Variants in RAD21L1 observed in about 807,000 individuals in gnomAD.
The protein encoded by RAD21L1 is double-strand-break repair protein rad21-like protein 1.
RAD21L1 carries 47 observed loss-of-function variants against 69.0 expected under a neutral mutation model. That is an observed-to-expected ratio of 0.68 (90% CI 0.54 to 0.87). RAD21L1 has a LOEUF of 0.87. RAD21L1 is among the 40% of genes least tolerant of loss of function. The pLI is 0.00. For synonymous variants in RAD21L1, 177 were observed against 205.8 expected (o/e 0.86, Z 1.20); for missense variants, 583 against 647.6 (o/e 0.90, Z 1.08).
At chr20:1,227,961 CCT>C (rs1168359283) in intron 1 of RAD21L1, among the ~76,000 whole-genome samples, 3 of 152,102 alleles carry the variant, frequency 2.0e-5, no homozygotes, top group Admixed American at 2.0e-4. Context: ...AAATTCAACA[CCT>C]GCGTATAAAT....
intron 4 of RAD21L1, 84 bp from the exon 5 acceptor site, chr20:1,234,001 A>T: frequency 1.6e-6 from 1 of 640,706 alleles, no homozygotes; most frequent in Non-Finnish European, 2.7e-6. Context: ...AAGTTGTTTT[A>T]GTTTCTTCAC....
rs2087892142 is a variant in RAD21L1, at chr20:1,254,265, C to A, written c.1480-4C>A. 3 of 1,462,166 alleles carry A rather than the reference C, an allele frequency of 2.1e-6. No homozygotes were observed. Among genetic ancestry groups the A allele is most frequent in the Non-Finnish European group, 2.7e-6 (3 of 1,095,338 alleles). 90.6% of individuals were successfully genotyped at this position (1,462,166 alleles called of 1,614,324 possible). A position where few individuals can be genotyped will look rare whatever the true frequency, so the allele number is the denominator to read the frequency against. On this transcript the variant is annotated splice_region_variant and splice_polypyrimidine_tract_variant and intron_variant, in intron 13 of 13. Transcript: ENST00000683101. ...TCTTTTTTCTTTTCTAATTATTTTCCCAGGAATCTAACAAGATGGGAATGC... is the reference window on the plus strand; with the variant it reads ...TCTTTTTTCTTTTCTAATTATTTTCACAGGAATCTAACAAGATGGGAATGC...
At chr20:1,226,972 C>A (rs137929623) in intron 1 of RAD21L1, among the ~76,000 whole-genome samples, 37 of 152,288 alleles carry the variant, frequency 2.4e-4, no homozygotes, top group African/African-American at 8.7e-4. Flanking sequence ...TGCAGTAGGG[C>A]GATCGCGGCT....
chr20:1,233,388 G>C lies in RAD21L1; in HGVS notation c.369-697G>C, dbSNP rs558820042. ...TCCCAGTAGTTAGTCTGGGATATTA[G>C]GAACAGAAAAGGAGCAGGTAGGAAG... On this transcript the variant is annotated intron_variant, in intron 4 of 13. Transcript: ENST00000683101. Among the ~76,000 whole-genome samples, 4 of 152,252 alleles carry C rather than the reference G, an allele frequency of 2.6e-5. No individual in the cohort carries two copies. The South Asian group carries it at 6.2e-4, about 24-fold the overall frequency.
chr20:1,252,969 A>G (rs1424196810), intron 13 of RAD21L1, among the ~76,000 whole-genome samples: 1 of 152,176 alleles, frequency 6.6e-6, no homozygotes, highest in Non-Finnish European at 1.5e-5. Context: ...TTAATCTTGC[A>G]TATTTGTCCC....
chr20:1,254,423 T>C lies in RAD21L1; in HGVS notation c.1634T>C (p.Ile545Thr). ...LSQSAPYADI[I>T]ATMGPMFYNI ...CAGAGTGCTCCCTATGCAGATATTA[T>C]AGCTACGATGGGACCAATGTTTTAT... Residue 545 changes from isoleucine (I) to threonine (T), a missense_variant, in exon 14 of 14, where the codon ATA becomes ACA. Coordinates refer to ENST00000683101, the MANE Select transcript of RAD21L1 (RefSeq NM_001384355.1). 2 of 1,545,520 alleles carry C rather than the reference T, an allele frequency of 1.3e-6. No individual in the cohort carries two copies. Among genetic ancestry groups the C allele is most frequent in the Non-Finnish European group, 1.7e-6 (2 of 1,143,804 alleles).
chr20:1,241,620 G>A (rs993895533), intron 8 of RAD21L1, among the ~76,000 whole-genome samples: 1 of 152,098 alleles, frequency 6.6e-6, no homozygotes, highest in Non-Finnish European at 1.5e-5. Flanking sequence ...GTTTGGGGGA[G>A]GGGTATGGAA....
At chr20:1,238,245 A>AT in intron 6 of RAD21L1, 31 bp downstream of exon 6, 2 of 1,339,614 alleles carry the variant, frequency 1.5e-6, no homozygotes, top group Non-Finnish European at 2.0e-6. Context: ...GAAATAAAAT[A>AT]TTTATTTTCA....
At chr20:1,235,267 C>T (rs531462535) in intron 5 of RAD21L1, among the ~76,000 whole-genome samples, 33 of 152,046 alleles carry the variant, frequency 2.2e-4, no homozygotes, top group African/African-American at 6.0e-4. Context: ...CTATCTTGGT[C>T]GGGGAGGGGA....
chr20:1,250,799 C>T (rs996165067), intron 13 of RAD21L1, among the ~76,000 whole-genome samples: 1 of 152,036 alleles, frequency 6.6e-6, no homozygotes, highest in Non-Finnish European at 1.5e-5. Context: ...GACAAAAATA[C>T]CATTTTTATG....
At chr20:1,243,221 G>A in intron 10 of RAD21L1, 25 bp downstream of exon 10, 3 of 1,202,624 alleles carry the variant, frequency 2.5e-6, no homozygotes, top group Non-Finnish European at 3.5e-6. Flanking sequence ...TTCTGTTGAT[G>A]TTGAGGGGAA....
chr20:1,250,873 AGGT>A (rs2122163422), intron 13 of RAD21L1, among the ~76,000 whole-genome samples: 1 of 152,180 alleles, frequency 6.6e-6, no homozygotes, highest in East Asian at 1.9e-4. Context: ...TTTTCCTTAA[AGGT>A]ATCTCTCTGG....
At chr20:1,233,776 C>T (rs1328441747) in intron 4 of RAD21L1, among the ~76,000 whole-genome samples, 10 of 152,120 alleles carry the variant, frequency 6.6e-5, no homozygotes, top group East Asian at 1.9e-4. Context: ...AATACCATCA[C>T]ATTGGAGATT....
chr20:1,248,675 G>T lies in RAD21L1; in HGVS notation c.1451G>T (p.Arg484Ile), dbSNP rs1457293040. 6.5e-7 allele frequency: 1 copy of T among 1,532,502 alleles called. No individual in the cohort carries two copies. The highest frequency in any genetic ancestry group is 2.0e-5 in the Admixed American group (1 of 49,722). The allele number at this position is 1,532,502 out of a possible 1,614,324, so 94.9% of individuals were successfully genotyped here. The change falls in exon 13 of 14, where the codon AGA (arginine) becomes ATA (isoleucine). Residue 484 changes from arginine to isoleucine, a missense_variant. Transcript: ENST00000683101. ...ENIETERWNG[R>I]ILQMLNRLRE... is the part of the protein sequence containing the mutation. ...ATTGAGACAGAGAGATGGAATGGAA[G>T]AATACTTCAGATGTTAAATCGTTTA... is the stretch of plus-strand genomic sequence containing the variant.
intron 3 of RAD21L1, 142 bp from the exon 4 acceptor site, chr20:1,231,384 T>C: frequency 4.9e-6 from 3 of 613,556 alleles, no homozygotes; most frequent in Non-Finnish European, 8.7e-6. Context: ...TTATAGAGAA[T>C]GGACTACACA....
intron 11 of RAD21L1, among the ~76,000 whole-genome samples, chr20:1,245,375 T>C (rs6074333): frequency 0.067 from 10,166 of 152,074 alleles, 470 homozygotes; most frequent in East Asian, 0.17. Context: ...ATTGAGAGTA[T>C]CAAAAATGTA....
chr20:1,242,259 G>A (rs1029306047), intron 8 of RAD21L1, among the ~76,000 whole-genome samples: 1 of 152,160 alleles, frequency 6.6e-6, no homozygotes, highest in East Asian at 1.9e-4. Context: ...TGGAGATAGG[G>A]TCTTGCTCTG....
chr20:1,240,521 A>T lies in RAD21L1; in HGVS notation c.856+87A>T, dbSNP rs748600968. The T allele has an allele frequency of 2.0e-6, 3 of 1,465,742 alleles. No homozygotes were observed. In the East Asian group the frequency reaches 7.8e-5, roughly 38 times the overall value. The allele number at this position is 1,465,742 out of a possible 1,614,324, so 90.8% of individuals were successfully genotyped here. A position where few individuals can be genotyped will look rare whatever the true frequency, so the allele number is the denominator to read the frequency against. On this transcript the variant is annotated intron_variant, in intron 8 of 13. Transcript: ENST00000683101. ...ATGTTTGAATAATCACTGAAATATT[A>T]TAGGAGATAGTCAATCTAGTAATAG... is the stretch of plus-strand genomic sequence containing the variant.
In RAD21L1 at chr20:1,241,286, G is replaced by A. The variant is rs144639784; in HGVS notation, c.856+852G>A. On this transcript the variant is annotated intron_variant, in intron 8 of 13. Transcript: ENST00000683101. ...GTCATGCAAGTGAATATAATATAAGGCAGAATAAAAAGATCAGAGGAGAGG... is the reference window on the plus strand; with the variant it reads ...GTCATGCAAGTGAATATAATATAAGACAGAATAAAAAGATCAGAGGAGAGG... Among the ~76,000 whole-genome samples the A allele has an allele frequency of 6.5e-3, 986 of 152,258 alleles. 16 individuals carry two copies. The highest frequency in any genetic ancestry group is 0.022 in the African/African-American group (926 of 41,554).
Sources: gnomAD v4.1 joint callset for allele counts (sites outside exome capture counted in the v4.1 genomes callset) on GRCh38, gnomAD v4.1.1 for gene constraint, MANE v1.5 for transcripts, NCBI Gene and HGNC (gene_info 2026-07-23, HGNC 2026-07-21) for gene names.